Variants in SLC6A12 observed in about 807,000 individuals in gnomAD.
The protein encoded by SLC6A12 is sodium- and chloride-dependent betaine transporter.
SLC6A12 carries 50 observed loss-of-function variants against 73.3 expected under a neutral mutation model. That is an observed-to-expected ratio of 0.68 (90% confidence interval 0.54 to 0.86). SLC6A12 has a LOEUF of 0.86. SLC6A12 is among the 40% of genes least tolerant of loss of function. The pLI, the probability that SLC6A12 is intolerant of heterozygous loss-of-function variation, is 0.00. For synonymous variants in SLC6A12, 304 were observed against 309.2 expected (o/e 0.98, Z 0.18); for missense variants, 648 against 772.8 (o/e 0.84, Z 1.92).
chr12:184,795 A>G, the SLC6A12 span, among the ~76,000 whole-genome samples: 4 of 152,156 alleles, frequency 2.6e-5, no homozygotes, highest in African/African-American at 9.6e-5. Context: ...TTAGCCAAGC[A>G]TGGTGGCTTA....
At chr12:185,440 T>C (rs934384052), downstream of SLC6A12, among the ~76,000 whole-genome samples, 1 of 152,244 alleles carries the variant, frequency 6.6e-6, no homozygotes, top group Non-Finnish European at 1.5e-5. Context: ...TGGGGTGCAG[T>C]GTCAGAGTTC....
chr12:197,143 AT>A (rs1405164277), intron 10 of SLC6A12, among the ~76,000 whole-genome samples: 1 of 115,274 alleles, frequency 8.7e-6, no homozygotes. Flanking sequence ...CCATCCATCC[AT>A]CCATCCATCC....
chr12:200,258 A>T (rs10773978), intron 7 of SLC6A12, among the ~76,000 whole-genome samples: 7 of 148,908 alleles, frequency 4.7e-5, no homozygotes, highest in East Asian at 2.0e-4. Context: ...ACAGGTGCCC[A>T]CCACCACGCC....
Position 198,616 on chromosome 12 carries a change from G to T in SLC6A12, c.846+181C>A. On this transcript the variant is annotated intron_variant, in intron 8 of 15. Coordinates refer to ENST00000684302, the MANE Select transcript of SLC6A12 (RefSeq NM_001122848.3). This position sits in a 1 kb window ranked among gnomAD's most constrained non-coding sequence, Gnocchi z 4.0. ...TAAGAAAAAAAGTTATATTTGAGTG[G>T]TGGAATTACAAGAGATTTTTTTAGT... The T allele has an allele frequency of 3.4e-6, 2 of 589,310 alleles. No individual in the cohort carries two copies. The highest frequency in any genetic ancestry group is 2.8e-6 in the Non-Finnish European group (1 of 351,148). The allele number at this position is 589,310 out of a possible 1,614,324, so 36.5% of individuals were successfully genotyped here. A position where few individuals can be genotyped will look rare whatever the true frequency, so the allele number is the denominator to read the frequency against.
At chr12:204,422 A>G (rs1940509293) in intron 4 of SLC6A12, 142 bp downstream of exon 4, 1 of 842,306 alleles carries the variant, frequency 1.2e-6, no homozygotes, top group African/African-American at 1.7e-5. Flanking sequence ...CGGCCCACCC[A>G]TGAAGCCTGA....
chr12:210,391 C>G, intron 2 of SLC6A12: 1 of 1,104,694 alleles, frequency 9.1e-7, no homozygotes, highest in South Asian at 2.5e-5. Context: ...TTGATGTCTG[C>G]TGAGTGACCT....
the SLC6A12 span, among the ~76,000 whole-genome samples, chr12:184,377 C>T: frequency 6.6e-6 from 1 of 152,086 alleles, no homozygotes; most frequent in African/African-American, 2.4e-5. Context: ...GTAATCCCAG[C>T]ACTTTGGGAG....
intron 7 of SLC6A12, chr12:199,182 G>T: frequency 1.9e-6 from 1 of 529,352 alleles, no homozygotes. Flanking sequence ...GAGGGAGGCA[G>T]GGTACAGGCT....
At chr12:208,439 A>G (rs1197873927) in intron 3 of SLC6A12, among the ~76,000 whole-genome samples, 3 of 152,250 alleles carry the variant, frequency 2.0e-5, no homozygotes, top group Middle Eastern at 3.2e-3. Flanking sequence ...TAATATAAAT[A>G]GTGTTTAGGA....
At position 197,413 on chromosome 12, in the gene SLC6A12, C is replaced by A; in HGVS notation, c.1039G>T (p.Glu347Ter). Residue 347 changes from glutamate (E) to a stop codon, truncating the protein, a stop_gained, in exon 10 of 16, where the codon GAG becomes TAG. Coordinates refer to ENST00000684302, the MANE Select transcript of SLC6A12 (RefSeq NM_001122848.3). LOFTEE classifies it high-confidence loss of function. ...VFSILGFMSQ[E>*]QGVPISEVAE... ...ACTTCAGAAATGGGCACCCCTTGCT[C>A]TTGGGACATGAAGCCCAGGATGGAG... is the stretch of plus-strand genomic sequence containing the variant. 1 of 1,613,830 alleles carries A rather than the reference C, an allele frequency of 6.2e-7. No homozygotes were observed. Among genetic ancestry groups the A allele is most frequent in the South Asian group, 1.1e-5 (1 of 91,012 alleles).
rs377675131 is a variant in SLC6A12 at position 193,389 on chromosome 12, T to C, written c.1430-12A>G. 3 of 1,605,290 alleles carry C rather than the reference T, an allele frequency of 1.9e-6. No individual in the cohort carries two copies. Among genetic ancestry groups the C allele is most frequent in the Non-Finnish European group, 2.6e-6 (3 of 1,172,454 alleles). ...GAAACGGTCCGCCCCTGAGCAGGCA[T>C]GGCGTGGGAGAGTGTGAGAGCCAGA... On this transcript the variant is annotated splice_polypyrimidine_tract_variant and intron_variant, in intron 13 of 15. Coordinates refer to ENST00000684302, the MANE Select transcript of SLC6A12 (RefSeq NM_001122848.3).
chr12:204,788 C>T, intron 3 of SLC6A12, 90 bp from the exon 4 acceptor site: 1 of 1,415,730 alleles, frequency 7.1e-7, no homozygotes, highest in Non-Finnish European at 9.7e-7. Flanking sequence ...ACAAACCCGC[C>T]CTCCACCATC....
chr12:201,936 TCCTC>T, intron 5 of SLC6A12, 87 bp from the exon 6 acceptor site: 5 of 1,077,008 alleles, frequency 4.6e-6, no homozygotes, highest in Non-Finnish European at 7.1e-6. Flanking sequence ...AGCCTAGTGG[TCCTC>T]ACCACTCCTA....
rs568955255 is a variant in SLC6A12, at chr12:201,445, C to G, written c.578+317G>C. On this transcript the variant is annotated intron_variant, in intron 6 of 15. Transcript: ENST00000684302. ...GAGCATGGCAGTGGGAAGAGACATG[C>G]ACACTCAGCTCCCCTAAAGCTGTGA... 241 of 315,616 alleles carry G rather than the reference C, an allele frequency of 7.6e-4. 3 individuals are homozygous for G. The highest frequency in any genetic ancestry group is 6.4e-3 in the South Asian group (165 of 25,706). 19.6% of individuals were successfully genotyped at this position (315,616 alleles called of 1,614,324 possible). A position where few individuals can be genotyped will look rare whatever the true frequency, so the allele number is the denominator to read the frequency against.
downstream of SLC6A12, among the ~76,000 whole-genome samples, chr12:186,765 A>C (rs74057603): frequency 0.012 from 1,884 of 152,326 alleles, 32 homozygotes; most frequent in African/African-American, 0.043. Context: ...CTGAAATTAG[A>C]GGTATCCACT....
At position 201,914 on chromosome 12, in the gene SLC6A12, C is replaced by T. The variant is rs557711721; in HGVS notation, c.491-65G>A. 6.9e-6 allele frequency: 10 copies of T among 1,439,428 alleles called. No individual in the cohort carries two copies. The African/African-American group carries it at 1.1e-4, about 16-fold the overall frequency. The allele number at this position is 1,439,428 out of a possible 1,614,324, so 89.2% of individuals were successfully genotyped here. A position where few individuals can be genotyped will look rare whatever the true frequency, so the allele number is the denominator to read the frequency against. ...CTCTTATACCCTAGTCCCCCTGGCCCTCTGGCCTTGCAGCCTAGTGGTCCT... is the reference window on the plus strand; with the variant it reads ...CTCTTATACCCTAGTCCCCCTGGCCTTCTGGCCTTGCAGCCTAGTGGTCCT... On this transcript the variant is annotated intron_variant, in intron 5 of 15. Transcript: ENST00000684302.
chr12:204,452 T>G, intron 4 of SLC6A12, 112 bp downstream of exon 4: 1 of 1,061,670 alleles, frequency 9.4e-7, no homozygotes, highest in Non-Finnish European at 1.4e-6. Context: ...TGGCGCAGGA[T>G]ATGGGAGTGA....
chr12:199,979 A>G (rs939950671), intron 7 of SLC6A12, among the ~76,000 whole-genome samples: 1 of 152,240 alleles, frequency 6.6e-6, no homozygotes, highest in Non-Finnish European at 1.5e-5. Context: ...ACAGACACAC[A>G]CACATACGTA....
intron 2 of SLC6A12, chr12:210,730 G>C (rs1344967432): frequency 6.6e-6 from 1 of 152,300 alleles, no homozygotes; most frequent in African/African-American, 2.4e-5. Flanking sequence ...TGCCAGAAGG[G>C]ATCACCAGAC....
Sources: allele counts gnomAD v4.1 joint callset (sites outside exome capture counted in the v4.1 genomes callset), GRCh38; gene constraint gnomAD v4.1.1; non-coding constraint Gnocchi (gnomAD v3.1); transcripts MANE v1.5; gene names NCBI Gene and HGNC (gene_info 2026-07-23, HGNC 2026-07-21).